LEKR1: variants seen among roughly 807,000 people sequenced by gnomAD.
LEKR1 encodes protein LEKR1.
Under a neutral mutation model 72.4 loss-of-function variants are expected in LEKR1, and 59 were observed. The observed-to-expected ratio is 0.82, with a 90% CI of 0.66 to 1.01. The LOEUF (loss-of-function observed/expected upper bound fraction) is 1.01. LEKR1 is among the 50% of genes least tolerant of loss of function. The probability of loss-of-function intolerance (pLI) is 0.00; values close to 1 mark genes in which losing one functional copy is unlikely to be tolerated. For synonymous variants in LEKR1, 257 were observed against 263.2 expected (o/e 0.98, Z 0.23); for missense variants, 728 against 759.2 (o/e 0.96, Z 0.48).
chr3:157,028,413 G>C lies in LEKR1; in HGVS notation c.1668+11G>C. ...CAGTCCCAGGAAGAGGTAGGAAGCA[G>C]ATAGTGGTAACTTTGCAATTAATCA... is the stretch of plus-strand genomic sequence containing the variant. On this transcript the variant is annotated intron_variant, in intron 12 of 12. Coordinates refer to ENST00000356539, the MANE Select transcript of LEKR1 (RefSeq NM_001004316.3). The C allele has an allele frequency of 6.4e-7, 1 of 1,564,500 alleles. No homozygotes were observed. The highest frequency in any genetic ancestry group is 8.6e-7 in the Non-Finnish European group (1 of 1,157,536).
At chr3:156,886,045 A>C (rs1032000085) in intron 3 of LEKR1, among the ~76,000 whole-genome samples, 1 of 152,192 alleles carries the variant, frequency 6.6e-6, no homozygotes, top group Non-Finnish European at 1.5e-5. Flanking sequence ...TTTTGTGTTC[A>C]GATACCAGGG....
Position 156,993,106 on chromosome 3 carries a change from CTT to C in LEKR1, c.940_941del (p.Leu314AsnfsTer8), listed in dbSNP as rs928389628. 2 of 1,606,860 alleles carry C rather than the reference CTT, an allele frequency of 1.2e-6. No homozygotes were observed. Among genetic ancestry groups the C allele is most frequent in the Admixed American group, 1.7e-5 (1 of 58,186 alleles). On this transcript the variant is annotated frameshift_variant, in exon 9 of 13. Transcript: ENST00000356539. LOFTEE classifies it high-confidence loss of function. ...ATGCTGCTTAAGGAAAAAGAAGACT[CTT>C]TAATGACTTGTCAACAGATATATAA...
intron 6 of LEKR1, among the ~76,000 whole-genome samples, chr3:156,970,749 A>C (rs1729097315): frequency 6.6e-6 from 1 of 152,214 alleles, no homozygotes; most frequent in Non-Finnish European, 1.5e-5. Context: ...ATTGCTTCAA[A>C]GAGAATAAAA....
chr3:156,956,385 G>A (rs1727635893), intron 6 of LEKR1, among the ~76,000 whole-genome samples: 2 of 151,972 alleles, frequency 1.3e-5, no homozygotes, highest in Admixed American at 6.6e-5. Flanking sequence ...TGGCCACCTA[G>A]CCCTAGCATA....
At chr3:156,924,568 A>T (rs1213553464) in intron 4 of LEKR1, 1 of 655,502 alleles carries the variant, frequency 1.5e-6, no homozygotes, top group East Asian at 2.8e-5. Context: ...ATTTTCTTCT[A>T]AGTGTTTTAT....
At position 156,942,597 on chromosome 3, in the gene LEKR1, A is replaced by G. The variant is rs781645617; in HGVS notation, c.628A>G (p.Lys210Glu). The change falls in exon 6 of 13, where the codon AAA becomes GAA. Residue 210 changes from lysine to glutamate, a missense_variant. By Grantham distance (56) the Lys-to-Glu change is moderately conservative. Transcript: ENST00000356539. ...RNKVCLEKEM[K>E]NLKLLSDAAI... ...TAAAGTATGCCTTGAAAAGGAAATG[A>G]AAAATCTGAAATTGTTGTCAGATGC... The G allele has an allele frequency of 7.9e-7, 1 of 1,268,842 alleles. No homozygotes were observed. The highest frequency in any genetic ancestry group is 1.3e-5 in the South Asian group (1 of 78,476). The allele number at this position is 1,268,842 out of a possible 1,614,324, so 78.6% of individuals were successfully genotyped here.
At chr3:156,945,625 G>T (rs937909381) in intron 6 of LEKR1, among the ~76,000 whole-genome samples, 4 of 151,724 alleles carry the variant, frequency 2.6e-5, no homozygotes, top group Non-Finnish European at 4.4e-5. Context: ...TTTGATTCTT[G>T]TATATGGTGA....
At chr3:156,880,111 T>A (rs1719108042) in intron 3 of LEKR1, among the ~76,000 whole-genome samples, 1 of 152,180 alleles carries the variant, frequency 6.6e-6, no homozygotes, top group African/African-American at 2.4e-5. Flanking sequence ...GAATTTTAGA[T>A]CTGACAGCTT....
intron 3 of LEKR1, among the ~76,000 whole-genome samples, chr3:156,896,428 C>T (rs1418268164): frequency 1.3e-5 from 2 of 152,152 alleles, no homozygotes; most frequent in Non-Finnish European, 2.9e-5. Flanking sequence ...AGCAGATACA[C>T]ATGTGGCCAA....
chr3:157,028,523 C>T (rs1388102564), intron 12 of LEKR1, 121 bp downstream of exon 12: 7 of 804,990 alleles, frequency 8.7e-6, no homozygotes, highest in Middle Eastern at 2.5e-4. Context: ...GTTAGTCTGA[C>T]CTAAATCACA....
intron 3 of LEKR1, among the ~76,000 whole-genome samples, chr3:156,910,405 C>T (rs1014089030): frequency 6.6e-6 from 1 of 152,076 alleles, no homozygotes. Flanking sequence ...TATTAATTTG[C>T]TTAGGATAAT....
intron 9 of LEKR1, among the ~76,000 whole-genome samples, chr3:157,006,256 C>T (rs1286467609): frequency 1.3e-5 from 2 of 152,004 alleles, no homozygotes; most frequent in African/African-American, 4.8e-5. Flanking sequence ...CCACCCGCCT[C>T]GGCCTCCCAA....
intron 5 of LEKR1, among the ~76,000 whole-genome samples, chr3:156,938,929 G>T (rs1274064256): frequency 1.3e-5 from 2 of 152,186 alleles, no homozygotes; most frequent in Non-Finnish European, 2.9e-5. Context: ...TCAAGGTAAA[G>T]AAATTGATTG....
chr3:156,989,633 C>A (rs1730989209), intron 7 of LEKR1, among the ~76,000 whole-genome samples: 1 of 152,142 alleles, frequency 6.6e-6, no homozygotes, highest in African/African-American at 2.4e-5. Context: ...TTTTCTATTT[C>A]TTCTTTTCTA....
At chr3:156,957,691 T>C (rs965412180) in intron 6 of LEKR1, among the ~76,000 whole-genome samples, 15 of 152,042 alleles carry the variant, frequency 9.9e-5, no homozygotes, top group African/African-American at 3.6e-4. Flanking sequence ...AGTCTTCATA[T>C]ATAGGTTATG....
At chr3:156,988,731 G>T (rs773802447) in intron 7 of LEKR1, 11 of 206,860 alleles carry the variant, frequency 5.3e-5, no homozygotes, top group Non-Finnish European at 1.1e-4. Context: ...CTACAATGAT[G>T]TATCTTTGAT....
At chr3:156,829,514 AT>A in intron 2 of LEKR1, 137 bp downstream of exon 2, 1 of 562,418 alleles carries the variant, frequency 1.8e-6, no homozygotes, top group South Asian at 2.5e-5. Flanking sequence ...GGGAATAATT[AT>A]TATCATAATG....
intron 3 of LEKR1, among the ~76,000 whole-genome samples, chr3:156,916,044 C>T (rs1723602699): frequency 6.6e-6 from 1 of 152,092 alleles, no homozygotes; most frequent in Non-Finnish European, 1.5e-5. Flanking sequence ...TTGTTTTTGT[C>T]AGCTTTGTCA....
At chr3:156,992,118 T>C (rs929146274) in intron 7 of LEKR1, among the ~76,000 whole-genome samples, 2 of 152,176 alleles carry the variant, frequency 1.3e-5, no homozygotes, top group African/African-American at 4.8e-5. Context: ...TGTGGAGTAT[T>C]TGGGACTCTC....
Sources: gnomAD v4.1 joint callset for allele counts (sites outside exome capture counted in the v4.1 genomes callset) on GRCh38, gnomAD v4.1.1 for gene constraint, MANE v1.5 for transcripts, NCBI Gene and HGNC (gene_info 2026-07-23, HGNC 2026-07-21) for gene names.